The following MYCBP2 variants were observed in gnomAD, a reference collection of about 807,000 sequenced individuals.
MYCBP2 encodes E3 ubiquitin-protein ligase MYCBP2.
MYCBP2 carries 120 observed loss-of-function variants against 525.3 expected under a neutral mutation model. That is an observed-to-expected ratio of 0.23 (90% CI 0.20 to 0.27). The LOEUF is 0.27. Among genes scored for constraint, MYCBP2 ranks in the 10% least tolerant of loss-of-function variants. MYCBP2 has a pLI of 1.00. For missense variants in MYCBP2, 4,149 were observed against 5,657.1 expected (o/e 0.73, Z 8.55); for synonymous variants, 1,894 against 1,955.8 (o/e 0.97, Z 0.83).
chr13:77,316,757 T>C (rs1230022950), intron 1 of MYCBP2, among the ~76,000 whole-genome samples: 5 of 152,184 alleles, frequency 3.3e-5, no homozygotes, highest in African/African-American at 1.2e-4. Flanking sequence ...TTGGTCCAGG[T>C]GGCTGACTTC....
chr13:77,236,703 T>C (rs1023692635), intron 17 of MYCBP2, among the ~76,000 whole-genome samples: 1 of 152,130 alleles, frequency 6.6e-6, no homozygotes, highest in Admixed American at 6.5e-5. Flanking sequence ...AACAATGAGA[T>C]AACATTGTTC....
intron 55 of MYCBP2, among the ~76,000 whole-genome samples, chr13:77,112,362 TATTTA>T (rs1023949494): frequency 1.5e-4 from 22 of 146,820 alleles, no homozygotes; most frequent in African/African-American, 4.9e-4. Context: ...TATAATATTT[TATTTA>T]TATAATATAT....
At chr13:77,312,213 A>G (rs1029665400) in intron 1 of MYCBP2, among the ~76,000 whole-genome samples, 2 of 152,174 alleles carry the variant, frequency 1.3e-5, no homozygotes, top group African/African-American at 4.8e-5. Context: ...ATGTATCCCC[A>G]GCAGACTGAT....
intron 30 of MYCBP2, among the ~76,000 whole-genome samples, chr13:77,187,678 T>C (rs1415310086): frequency 6.6e-6 from 1 of 152,114 alleles, no homozygotes; most frequent in African/African-American, 2.4e-5. Flanking sequence ...ACTGTAAGTA[T>C]CGTAAGAAAC....
intron 54 of MYCBP2, among the ~76,000 whole-genome samples, chr13:77,122,838 A>G (rs1005136953): frequency 1.3e-5 from 2 of 152,148 alleles, no homozygotes; most frequent in East Asian, 3.8e-4. Context: ...CAGCATTTGT[A>G]GACTTGATTT....
At chr13:77,205,181 A>T (rs1434994705) in intron 26 of MYCBP2, 75 bp downstream of exon 26, 5 of 1,291,006 alleles carry the variant, frequency 3.9e-6, no homozygotes, top group Non-Finnish European at 5.0e-6. Flanking sequence ...ATTAGACATT[A>T]AATAATAAAA....
At chr13:77,102,860 C>T (rs1339448643) in intron 55 of MYCBP2, among the ~76,000 whole-genome samples, 1 of 151,846 alleles carries the variant, frequency 6.6e-6, no homozygotes, top group African/African-American at 2.4e-5. Flanking sequence ...ATGCCTTGCA[C>T]ATATATCATC....
intron 2 of MYCBP2, among the ~76,000 whole-genome samples, chr13:77,292,411 A>G (rs1284748767): frequency 2.0e-5 from 3 of 152,176 alleles, no homozygotes; most frequent in Non-Finnish European, 4.4e-5. Context: ...AACTGAACAC[A>G]CACACATACA....
At chr13:77,263,337 T>C (rs1029431711) in intron 10 of MYCBP2, among the ~76,000 whole-genome samples, 7 of 152,012 alleles carry the variant, frequency 4.6e-5, no homozygotes, top group Non-Finnish European at 8.8e-5. Flanking sequence ...ATGCAGCATA[T>C]AAACTAATGA....
At chr13:77,204,197 C>T (rs919534563) in intron 26 of MYCBP2, among the ~76,000 whole-genome samples, 2 of 151,676 alleles carry the variant, frequency 1.3e-5, no homozygotes, top group Admixed American at 1.3e-4. Context: ...AACCAATTTA[C>T]AAGAAAAAAA....
intron 80 of MYCBP2, among the ~76,000 whole-genome samples, chr13:77,054,795 T>A (rs1467760838): frequency 6.6e-6 from 1 of 151,990 alleles, no homozygotes; most frequent in Admixed American, 6.6e-5. Context: ...GAGATGGGGT[T>A]TTGCCATCTT....
intron 79 of MYCBP2, 95 bp from the exon 80 acceptor site, chr13:77,055,862 A>G: frequency 1.2e-6 from 1 of 803,506 alleles, no homozygotes; most frequent in East Asian, 2.6e-5. Context: ...TTGTGCTAGA[A>G]GATAACCAGA....
At chr13:77,133,048 G>C (rs2053168402) in intron 52 of MYCBP2, among the ~76,000 whole-genome samples, 3 of 152,202 alleles carry the variant, frequency 2.0e-5, no homozygotes, top group Middle Eastern at 3.4e-3. Context: ...TAGTTTGGCA[G>C]TTCTAGTCAA....
intron 4 of MYCBP2, among the ~76,000 whole-genome samples, chr13:77,276,666 GTTT>G (rs918291254): frequency 6.6e-6 from 1 of 151,336 alleles, no homozygotes; most frequent in Non-Finnish European, 1.5e-5. Context: ...TTTTTTGGGG[GTTT>G]TTTTTTTGGT....
At chr13:77,296,977 T>G (rs369278773) in intron 1 of MYCBP2, among the ~76,000 whole-genome samples, 1 of 152,168 alleles carries the variant, frequency 6.6e-6, no homozygotes, top group African/African-American at 2.4e-5. Flanking sequence ...TTATACTTTA[T>G]CCATAGTGGG....
chr13:77,166,227 T>C, intron 41 of MYCBP2, 102 bp downstream of exon 41: 2 of 890,408 alleles, frequency 2.2e-6, no homozygotes, highest in Non-Finnish European at 1.7e-6. Context: ...CTTTAATAAA[T>C]TTCTCTAAAA....
chr13:77,165,053 T>C (rs2058375203), intron 42 of MYCBP2, among the ~76,000 whole-genome samples: 1 of 152,184 alleles, frequency 6.6e-6, no homozygotes, highest in South Asian at 2.1e-4. Flanking sequence ...ATTTTTTTTG[T>C]AGAGAAAGGA....
chr13:77,238,242 CAAAAAAAAAA>C (rs772175406), intron 17 of MYCBP2, among the ~76,000 whole-genome samples: 2 of 28,310 alleles, frequency 7.1e-5, no homozygotes, highest in African/African-American at 2.2e-4. Flanking sequence ...GACTCCGTCT[CAAAAAAAAAA>C]AAAAAAAAAA....
chr13:77,307,098 T>G (rs2079528050), intron 1 of MYCBP2, among the ~76,000 whole-genome samples: 1 of 152,008 alleles, frequency 6.6e-6, no homozygotes, highest in South Asian at 2.1e-4. Flanking sequence ...AGAAAAAGAA[T>G]CTGGAATTCT....
Sources: gnomAD v4.1 joint callset for allele counts (sites outside exome capture counted in the v4.1 genomes callset) on GRCh38, gnomAD v4.1.1 for gene constraint, MANE v1.5 for transcripts, NCBI Gene and HGNC (gene_info 2026-07-23, HGNC 2026-07-21) for gene names.